Variants in ITGA5 observed in about 807,000 individuals in gnomAD.
ITGA5 encodes the protein integrin alpha-5.
A neutral mutation model predicts 146.3 loss-of-function variants in ITGA5; 55 were observed. The ratio of observed to expected loss-of-function variants is 0.38; its 90% CI spans 0.30 to 0.47. The LOEUF is 0.47. Ranked by LOEUF, ITGA5 falls within the 20% of genes least tolerant of loss-of-function variation. The probability of loss-of-function intolerance (pLI) is 0.99; values close to 1 mark genes in which losing one functional copy is unlikely to be tolerated. For synonymous variants in ITGA5, 500 were observed against 531.8 expected, an observed-to-expected ratio of 0.94 and a Z score of 0.82; for missense variants, 1,131 against 1,329.0, an observed-to-expected ratio of 0.85 and a Z score of 2.32.
Position 54,416,817 on chromosome 12 carries a change from T to C in ITGA5, c.218+2164A>G, listed in dbSNP as rs1485441128. Among the ~76,000 whole-genome samples the C allele has an allele frequency of 6.6e-6, 1 of 152,234 alleles. No individual in the cohort carries two copies. The highest frequency in any genetic ancestry group is 1.5e-5 in the Non-Finnish European group (1 of 68,044). On this transcript the variant is annotated intron_variant, in intron 1 of 29. Transcript: ENST00000293379. The surrounding 1 kb of genome is among the most constrained non-coding windows in gnomAD (Gnocchi z 4.1). ...CCTACCTCTGTCTGACTGAAAGCTTTGCCCTTTCCTACCATCTAACTGCTT... is the reference window on the plus strand; with the variant it reads ...CCTACCTCTGTCTGACTGAAAGCTTCGCCCTTTCCTACCATCTAACTGCTT...
chr12:54,411,399 A>C (rs1338576779), intron 2 of ITGA5, among the ~76,000 whole-genome samples: 5 of 152,090 alleles, frequency 3.3e-5, no homozygotes, highest in African/African-American at 2.4e-5. Context: ...CCTCCCATCC[A>C]TCTGTGTCTA....
At position 54,400,867 on chromosome 12, in the gene ITGA5, G is replaced by A. The variant is rs1330492284; in HGVS notation, c.2622C>T (p.Pro874=). 2.5e-6 allele frequency: 4 copies of A among 1,613,928 alleles called. No homozygotes were observed. The Admixed American group carries it at 6.7e-5, about 27-fold the overall frequency. ...TCACCTCCAGGCCCTTTGGGTTAAT[G>A]GGGTGATTGGTGGTGCAGTTGAGTC... ...VTGLNCTTNH[P]INPKGLELDP... Residue 874 remains proline (P), a synonymous_variant, in exon 25 of 30, where the codon CCC becomes CCT. Coordinates refer to ENST00000293379, the MANE Select transcript of ITGA5 (RefSeq NM_002205.5).
In ITGA5 at chr12:54,418,983, G is replaced by T. The variant is rs1199774231; in HGVS notation, c.216C>A (p.Asp72Glu). ...FSVEFYRPGT[D>E]GVSVLVGAPK... The stretch of plus-strand genomic sequence containing the variant: ...CGTCTCCAGCCCTCCTCACTCACCC[G>T]TCTGTTCCCGGCCGGTAAAACTCCA... The change falls in exon 1 of 30, where the codon GAC (aspartate) becomes GAA (glutamate). Residue 72 changes from aspartate (D) to glutamate (E), a missense_variant and splice_region_variant. By Grantham distance (45) the Asp-to-Glu change is conservative (BLOSUM62 2). Coordinates refer to ENST00000293379, the MANE Select transcript of ITGA5 (RefSeq NM_002205.5). 6.8e-7 allele frequency: 1 copy of T among 1,478,360 alleles called. No individual in the cohort carries two copies. Among genetic ancestry groups the T allele is most frequent in the South Asian group, 1.1e-5 (1 of 89,194 alleles). The allele number at this position is 1,478,360 out of a possible 1,614,324, so 91.6% of individuals were successfully genotyped here.
At position 54,403,122 on chromosome 12, in the gene ITGA5, G is replaced by A; in HGVS notation, c.1914+65C>T. On this transcript the variant is annotated intron_variant, in intron 18 of 29. Coordinates refer to ENST00000293379, the MANE Select transcript of ITGA5 (RefSeq NM_002205.5). This position sits in a 1 kb window ranked among gnomAD's most constrained non-coding sequence, Gnocchi z 4.9. Reference sequence around the variant, plus strand: ...GGGCTGTAGGCTCTTCTCTTTCCATGGCCCTGCCCCCCCAATACCCAGGCC... The same window carrying A: ...GGGCTGTAGGCTCTTCTCTTTCCATAGCCCTGCCCCCCCAATACCCAGGCC... 4 of 1,601,818 alleles carry A rather than the reference G, an allele frequency of 2.5e-6. No homozygotes were observed. The East Asian group carries it at 8.9e-5, about 36-fold the overall frequency.
Position 54,400,012 on chromosome 12 carries a change from G to C in ITGA5, c.2644-65C>G. On this transcript the variant is annotated intron_variant, in intron 25 of 29. Transcript: ENST00000293379. ...CAGCTTCTAAGTCAGCTTGCACCTG[G>C]GTTCCAGAGCAGCTTCAACCTATTC... is the stretch of plus-strand genomic sequence containing the variant. The C allele has an allele frequency of 4.3e-6, 5 of 1,157,726 alleles. No homozygotes were observed. The African/African-American group carries it at 4.6e-5, about 11-fold the overall frequency. The allele number at this position is 1,157,726 out of a possible 1,614,324, so 71.7% of individuals were successfully genotyped here.
chr12:54,404,412 T>A lies in ITGA5; in HGVS notation c.1463+18A>T, dbSNP rs544150635. The A allele has an allele frequency of 3.1e-6, 5 of 1,613,256 alleles. No individual in the cohort carries two copies. In the African/African-American group the frequency reaches 6.7e-5, roughly 22 times the overall value. On this transcript the variant is annotated intron_variant, in intron 14 of 29. Transcript: ENST00000293379. ...AGTCCACCCAGGTTGTCCCCTCATC[T>A]CCCTTTGGAGCTCATACCTGTATAC...
chr12:54,405,050 AC>A (rs1806991607), intron 12 of ITGA5, 115 bp downstream of exon 12: 2 of 1,218,510 alleles, frequency 1.6e-6, no homozygotes, highest in Non-Finnish European at 2.3e-6. Flanking sequence ...TGGGATTTTA[AC>A]CCCTCGGGAA....
At chr12:54,418,216 C>G (rs1956030956) in intron 1 of ITGA5, among the ~76,000 whole-genome samples, 1 of 151,970 alleles carries the variant, frequency 6.6e-6, no homozygotes, top group African/African-American at 2.4e-5. Flanking sequence ...CCCCTTCACG[C>G]GCGCACACAC....
intron 7 of ITGA5, 36 bp from the exon 8 acceptor site, chr12:54,407,912 C>A: frequency 6.4e-7 from 1 of 1,556,668 alleles, no homozygotes; most frequent in Non-Finnish European, 8.7e-7. Flanking sequence ...AGGATTCCTG[C>A]TTTGAGGACC....
Position 54,419,057 on chromosome 12 carries a change from C to T in ITGA5, c.142G>A (p.Ala48Thr), listed in dbSNP as rs1210728595. 2.5e-6 allele frequency: 4 copies of T among 1,585,484 alleles called. No homozygotes were observed. In the South Asian group the frequency reaches 3.4e-5, roughly 14 times the overall value. ...GGGGGCCCCGAGAGTACTGCTGGGG[C>T]CTCCGCGTCTAAGTTGAAGCCCCCG... is the stretch of plus-strand genomic sequence containing the variant. ...RVGGFNLDAEAPAVLSGPPGS... is the reference protein window; with the variant it reads ...RVGGFNLDAETPAVLSGPPGS... Residue 48 changes from alanine to threonine, a missense_variant, in exon 1 of 30, where the codon GCC becomes ACC. This residue lies in a region of ITGA5 where 175 missense variants were observed against 179.3 expected (regional missense o/e 0.98). Coordinates refer to ENST00000293379, the MANE Select transcript of ITGA5 (RefSeq NM_002205.5).
Position 54,395,539 on chromosome 12 carries a change from C to T in ITGA5, c.*754G>A, listed in dbSNP as rs753666944. ...CAGGGTCCTGGGAAATTCCTGGCTT[C>T]TCCTAAATCAGGGTGAACTGGGCCT... On this transcript the variant is annotated 3_prime_UTR_variant, in exon 30 of 30. Transcript: ENST00000293379. 2 of 152,706 alleles carry T rather than the reference C, an allele frequency of 1.3e-5. No homozygotes were observed. Among genetic ancestry groups the T allele is most frequent in the Non-Finnish European group, 2.9e-5 (2 of 68,038 alleles). 9.5% of individuals were successfully genotyped at this position (152,706 alleles called of 1,614,324 possible).
chr12:54,399,727 C>A lies in ITGA5; in HGVS notation c.2759G>T (p.Arg920Leu). ...KCPEAECFRL[R>L]CELGPLHQQE... ...TTGGTGCAGGGGCCCGAGCTCACAGCGCAGCCTGAAACACTCAGCCTCCGG... is the reference window on the plus strand; with the variant it reads ...TTGGTGCAGGGGCCCGAGCTCACAGAGCAGCCTGAAACACTCAGCCTCCGG... Residue 920 changes from arginine (R) to leucine (L), a missense_variant, in exon 27 of 30, where the codon CGC becomes CTC. Physicochemically the swap from Arg to Leu is moderately radical, Grantham distance 102. This residue lies in a region of ITGA5 where 889 missense variants were observed against 1,021.5 expected (regional missense o/e 0.87). Coordinates refer to ENST00000293379, the MANE Select transcript of ITGA5 (RefSeq NM_002205.5). 1 of 1,614,162 alleles carries A rather than the reference C, an allele frequency of 6.2e-7. No homozygotes were observed. Among genetic ancestry groups the A allele is most frequent in the Non-Finnish European group, 8.5e-7 (1 of 1,180,012 alleles).
intron 27 of ITGA5, 84 bp from the exon 28 acceptor site, chr12:54,398,782 G>A: frequency 2.9e-6 from 2 of 686,360 alleles, no homozygotes; most frequent in South Asian, 4.0e-5. Context: ...CTGGGGTTGT[G>A]ATCTTTCCCT....
In ITGA5 at chr12:54,408,139, G is replaced by T. The variant is rs770191932; in HGVS notation, c.788C>A (p.Ala263Asp). ...GTAGCTGTCATCATAGATGGAACTG[G>T]CCTGGCGAGTCTGCAGCTGCCCCTG... ...LVQGQLQTRQ[A>D]SSIYDDSYLG... Residue 263 changes from alanine to aspartate, a missense_variant, in exon 7 of 30, where the codon GCC becomes GAC. By Grantham distance (126) the Ala-to-Asp change is moderately radical. This residue lies in a region of ITGA5 where 889 missense variants were observed against 1,021.5 expected (regional missense o/e 0.87). Coordinates refer to ENST00000293379, the MANE Select transcript of ITGA5 (RefSeq NM_002205.5). 4 of 1,614,140 alleles carry T rather than the reference G, an allele frequency of 2.5e-6. No homozygotes were observed.
chr12:54,418,034 A>G (rs1956028313), intron 1 of ITGA5, among the ~76,000 whole-genome samples: 1 of 152,246 alleles, frequency 6.6e-6, no homozygotes, highest in East Asian at 1.9e-4. Context: ...TGAGATTTCC[A>G]GGGTCCTGAG....
intron 11 of ITGA5, 76 bp from the exon 12 acceptor site, chr12:54,405,450 C>T (rs760349498): frequency 1.5e-5 from 19 of 1,246,352 alleles, no homozygotes; most frequent in South Asian, 2.8e-5. Flanking sequence ...CTAGAAATCC[C>T]GGACACTCTG....
Position 54,409,212 on chromosome 12 carries a change from AGGCCCC to A in ITGA5, c.583+14_583+19del. The A allele has an allele frequency of 6.3e-7, 1 of 1,598,578 alleles. No individual in the cohort carries two copies. The highest frequency in any genetic ancestry group is 8.5e-7 in the Non-Finnish European group (1 of 1,173,884). On this transcript the variant is annotated intron_variant, in intron 4 of 29. Coordinates refer to ENST00000293379, the MANE Select transcript of ITGA5 (RefSeq NM_002205.5). The surrounding 1 kb of genome is among the most constrained non-coding windows in gnomAD (Gnocchi z 4.7). ...ATATGAGAAGGCAGACATGGGGCAC[AGGCCCC>A]CTCTTGCCCCTACCTGAGCGGCAGG...
intron 28 of ITGA5, 68 bp from the exon 29 acceptor site, chr12:54,397,555 C>T (rs879651100): frequency 5.7e-6 from 9 of 1,588,386 alleles, no homozygotes; most frequent in African/African-American, 1.3e-5. Flanking sequence ...TTGGCCCCCA[C>T]TTGTCATTGG....
intron 1 of ITGA5, among the ~76,000 whole-genome samples, chr12:54,418,778 G>A (rs1470880794): frequency 6.6e-6 from 1 of 151,380 alleles, no homozygotes; most frequent in African/African-American, 2.4e-5. Flanking sequence ...GATCTCAAAC[G>A]CCAGGGCCCC....
Sources: gnomAD v4.1 joint callset for allele counts (sites outside exome capture counted in the v4.1 genomes callset) on GRCh38, gnomAD v4.1.1 for gene constraint, gnomAD v4.1.1 regional missense constraint, Gnocchi (gnomAD v3.1) non-coding constraint, MANE v1.5 for transcripts, NCBI Gene and HGNC (gene_info 2026-07-23, HGNC 2026-07-21) for gene names.